The following KAZN variants were observed in gnomAD, a reference collection of about 807,000 sequenced individuals.
KAZN encodes the protein kazrin.
Under a neutral mutation model 87.4 loss-of-function variants are expected in KAZN, and 40 were observed. That is an observed-to-expected ratio of 0.46 (90% confidence interval 0.36 to 0.60). The LOEUF (loss-of-function observed/expected upper bound fraction) is 0.60. KAZN is among the 20% of genes least tolerant of loss of function. The probability of loss-of-function intolerance (pLI) is 0.00; values close to 1 mark genes in which losing one functional copy is unlikely to be tolerated. For synonymous variants in KAZN, 466 were observed against 458.3 expected, an observed-to-expected ratio of 1.02 and a Z score of -0.22; for missense variants, 898 against 1,073.9, an observed-to-expected ratio of 0.84 and a Z score of 2.29.
intron 2 of KAZN, among the ~76,000 whole-genome samples, chr1:14,320,856 A>G (rs1392551244): frequency 2.0e-5 from 3 of 152,322 alleles, no homozygotes; most frequent in Middle Eastern, 3.4e-3. Context: ...ACTCAGCTCT[A>G]TAGTCCTCCA....
intron 2 of KAZN, among the ~76,000 whole-genome samples, chr1:14,284,214 G>T (rs1653066663): frequency 6.6e-6 from 1 of 152,130 alleles, no homozygotes. Flanking sequence ...ATTGATTGTG[G>T]CTGCGCAATC....
At chr1:14,001,640 T>A (rs2101146084) in intron 1 of KAZN, among the ~76,000 whole-genome samples, 1 of 152,308 alleles carries the variant, frequency 6.6e-6, no homozygotes, top group South Asian at 2.1e-4. Flanking sequence ...AGCATGGCAC[T>A]TGTACCAAAA....
intron 1 of KAZN, among the ~76,000 whole-genome samples, chr1:14,603,514 C>T (rs1339933874): frequency 6.6e-6 from 1 of 152,190 alleles, no homozygotes; most frequent in Non-Finnish European, 1.5e-5. Context: ...GGATTATTTA[C>T]TATCTTTCCA....
chr1:14,213,355 C>G lies in KAZN; in HGVS notation c.249+32763C>G, dbSNP rs181061020. The stretch of plus-strand genomic sequence containing the variant: ...TCCGGCCTAAATAGGAAACTAGAAC[C>G]AAGAAATATGATGGAATATGCCACT... On this transcript the variant is annotated intron_variant, in intron 2 of 16. Coordinates refer to the KAZN transcript ENST00000636203. Among the ~76,000 whole-genome samples, 413 of 152,192 alleles carry G rather than the reference C, an allele frequency of 2.7e-3. 3 individuals are homozygous for G. The highest frequency in any genetic ancestry group is 0.01 in the Middle Eastern group (3 of 294).
rs74059642 is a variant in KAZN, at chr1:14,878,541, A to G, written c.227-82143A>G. Among the ~76,000 whole-genome samples the G allele has an allele frequency of 7.6e-3, 1,163 of 152,272 alleles. 15 individuals carry two copies. The highest frequency in any genetic ancestry group is 0.026 in the African/African-American group (1,071 of 41,552). On this transcript the variant is annotated intron_variant, in intron 1 of 14. Transcript: ENST00000376030. ...CTCAGTTTCCCCATCTGTCAAATGA[A>G]TGGCTTAGCCCAGAAGATGGATAGC... is the stretch of plus-strand genomic sequence containing the variant.
In KAZN at chr1:14,726,634, G is replaced by A. The variant is rs117909629; in HGVS notation, c.226+127411G>A. On this transcript the variant is annotated intron_variant, in intron 1 of 14. Coordinates refer to ENST00000376030, the MANE Select transcript of KAZN (RefSeq NM_201628.3). ...CCCTACATAGAACAACAACAAAAGC[G>A]ATGAATACTTAGGTAGCAATGAATT... Among the ~76,000 whole-genome samples, 10 of 152,302 alleles carry A rather than the reference G, an allele frequency of 6.6e-5. No individual in the cohort carries two copies. In the East Asian group the frequency reaches 7.7e-4, roughly 12 times the overall value.
At chr1:14,394,198 T>TTA (rs1264851184) in intron 2 of KAZN, among the ~76,000 whole-genome samples, 4 of 152,240 alleles carry the variant, frequency 2.6e-5, no homozygotes, top group Admixed American at 1.3e-4. Flanking sequence ...CCTATTTGCT[T>TTA]TAGTGTTCAA....
At chr1:14,422,629 G>A (rs1182585248) in intron 2 of KAZN, among the ~76,000 whole-genome samples, 3 of 152,198 alleles carry the variant, frequency 2.0e-5, no homozygotes, top group Non-Finnish European at 2.9e-5. Flanking sequence ...GAAAACAGAC[G>A]ATGCTTTATA....
chr1:14,448,105 A>G (rs1002868098), intron 2 of KAZN, among the ~76,000 whole-genome samples: 1 of 152,244 alleles, frequency 6.6e-6, no homozygotes, highest in Non-Finnish European at 1.5e-5. Context: ...GGTAGCATTG[A>G]CTGAATAGCA....
intron 2 of KAZN, among the ~76,000 whole-genome samples, chr1:14,578,264 C>T (rs1470406176): frequency 2.6e-5 from 4 of 151,958 alleles, no homozygotes; most frequent in Admixed American, 6.6e-5. Context: ...CCATTTCATA[C>T]GGTAGAGGAA....
chr1:14,853,655 T>G (rs1030951242), intron 1 of KAZN, among the ~76,000 whole-genome samples: 1 of 152,144 alleles, frequency 6.6e-6, no homozygotes, highest in East Asian at 1.9e-4. Context: ...ATCTGGTGCA[T>G]GATCCACTGC....
At chr1:14,896,211 C>T (rs1280397388) in intron 1 of KAZN, among the ~76,000 whole-genome samples, 3 of 152,192 alleles carry the variant, frequency 2.0e-5, no homozygotes, top group South Asian at 2.1e-4. Flanking sequence ...CACACCACCA[C>T]GCCCAACTAA....
chr1:14,458,638 A>G (rs1667695343), intron 2 of KAZN, among the ~76,000 whole-genome samples: 2 of 152,194 alleles, frequency 1.3e-5, no homozygotes, highest in African/African-American at 4.8e-5. Context: ...CTTATGGCTC[A>G]TAATCTTTCT....
chr1:15,074,847 G>GA (rs1313194326), intron 8 of KAZN, among the ~76,000 whole-genome samples: 1 of 152,184 alleles, frequency 6.6e-6, no homozygotes, highest in East Asian at 1.9e-4. Context: ...AAAGATACTA[G>GA]GTCAGAGTGT....
At chr1:14,734,335 G>C (rs1643822472) in intron 1 of KAZN, among the ~76,000 whole-genome samples, 1 of 129,898 alleles carries the variant, frequency 7.7e-6, no homozygotes, top group African/African-American at 2.9e-5. Flanking sequence ...TTGAGACAGA[G>C]TTTTGCTCTT....
Position 14,029,370 on chromosome 1 carries a change from A to G in KAZN, c.91+135614A>G, listed in dbSNP as rs1420046851. 4.4e-3 allele frequency among the ~76,000 whole-genome samples: 304 copies of G among 68,914 alleles called. 2 individuals are homozygous for G. Among genetic ancestry groups the G allele is most frequent in the African/African-American group, 0.017 (289 of 16,666 alleles). 45.2% of individuals were successfully genotyped at this position (68,914 alleles called of 152,430 possible). ...TTTGAGTTCATTGTAGATTCTGGAT[A>G]TTAGCCCTTTGTCAGATGAGTAGGT... On this transcript the variant is annotated intron_variant, in intron 1 of 16. Transcript: ENST00000636203.
intron 1 of KAZN, among the ~76,000 whole-genome samples, chr1:13,945,254 A>G (rs1301653950): frequency 1.3e-5 from 2 of 152,124 alleles, no homozygotes; most frequent in Non-Finnish European, 2.9e-5. Context: ...CAGATGGATC[A>G]CCTGAGGTAA....
chr1:14,727,727 A>G (rs1643468957), intron 1 of KAZN, among the ~76,000 whole-genome samples: 1 of 151,350 alleles, frequency 6.6e-6, no homozygotes, highest in South Asian at 2.1e-4. Context: ...CGGCCTCCCT[A>G]AGTGTTGGGA....
At chr1:14,269,668 T>C (rs1651770372) in intron 2 of KAZN, among the ~76,000 whole-genome samples, 1 of 152,116 alleles carries the variant, frequency 6.6e-6, no homozygotes, top group Non-Finnish European at 1.5e-5. Flanking sequence ...TTGTGGAAGT[T>C]GTGGAAAATT....
Sources: allele counts gnomAD v4.1 joint callset (sites outside exome capture counted in the v4.1 genomes callset), GRCh38; gene constraint gnomAD v4.1.1; transcripts MANE v1.5; gene names NCBI Gene and HGNC (gene_info 2026-07-23, HGNC 2026-07-21).